FERMT1: variants seen among roughly 807,000 people sequenced by gnomAD.
FERMT1 encodes fermitin family homolog 1.
A neutral mutation model predicts 85.3 loss-of-function variants in FERMT1; 60 were observed. The observed-to-expected ratio is 0.70, with a 90% CI of 0.57 to 0.87. The LOEUF is 0.87. FERMT1 is among the 40% of genes least tolerant of loss of function. FERMT1 has a pLI of 0.00. For synonymous variants in FERMT1, 275 were observed against 301.1 expected (o/e 0.91, Z 0.90); for missense variants, 701 against 818.9 (o/e 0.86, Z 1.76).
chr20:6,087,980 C>T (rs746447910), intron 10 of FERMT1, 97 bp from the exon 11 acceptor site: 2 of 769,682 alleles, frequency 2.6e-6, no homozygotes, highest in East Asian at 2.5e-5. Context: ...ATACAAGCCC[C>T]TCAGATTTGC....
At chr20:6,084,268 C>A in intron 12 of FERMT1, 104 bp from the exon 13 acceptor site, 1 of 1,259,444 alleles carries the variant, frequency 7.9e-7, no homozygotes, top group Non-Finnish European at 1.1e-6. Flanking sequence ...CAAGGTCCGT[C>A]TGCAGCTCTA....
In FERMT1 at chr20:6,089,204, T is replaced by C. The variant is rs1419750142; in HGVS notation, c.1140-115A>G. On this transcript the variant is annotated intron_variant, in intron 9 of 14. Transcript: ENST00000217289. ...TGTCAAAGAAAACACACTTTGTTTT[T>C]TCAAAAATAATTTCAAATTGCTAAT... The C allele has an allele frequency of 4.7e-6, 5 of 1,066,798 alleles. No homozygotes were observed. The Admixed American group carries it at 9.8e-5, about 21-fold the overall frequency. 66.1% of individuals were successfully genotyped at this position (1,066,798 alleles called of 1,614,324 possible). A position where few individuals can be genotyped will look rare whatever the true frequency, so the allele number is the denominator to read the frequency against.
chr20:6,115,423 T>C (rs1419681730), intron 3 of FERMT1, among the ~76,000 whole-genome samples: 1 of 152,198 alleles, frequency 6.6e-6, no homozygotes, highest in Non-Finnish European at 1.5e-5. Flanking sequence ...GGAACACCAT[T>C]ATCTCAAAAA....
At chr20:6,083,481 T>C (rs922401409) in intron 13 of FERMT1, among the ~76,000 whole-genome samples, 3 of 151,906 alleles carry the variant, frequency 2.0e-5, no homozygotes, top group Non-Finnish European at 4.4e-5. Flanking sequence ...CTAACAATTC[T>C]GCAAAGCCAC....
chr20:6,081,670 G>A (rs556695725), intron 13 of FERMT1, among the ~76,000 whole-genome samples: 25 of 152,268 alleles, frequency 1.6e-4, no homozygotes, highest in African/African-American at 5.8e-4. Context: ...CATTCAAGAA[G>A]TTTTACTGCA....
Position 6,076,615 on chromosome 20 carries a change from T to G in FERMT1, c.*558A>C. On this transcript the variant is annotated 3_prime_UTR_variant, in exon 15 of 15. Coordinates refer to ENST00000217289, the MANE Select transcript of FERMT1 (RefSeq NM_017671.5). ...CCTTGGGTTGTCAACTGCTACCTGG[T>G]AGCCCCACCCCTCCCCTTTCTACCC... 1 of 390,586 alleles carries G rather than the reference T, an allele frequency of 2.6e-6. No individual in the cohort carries two copies. Among genetic ancestry groups the G allele is most frequent in the East Asian group, 7.5e-5 (1 of 13,330 alleles). 24.2% of individuals were successfully genotyped at this position (390,586 alleles called of 1,614,324 possible).
chr20:6,079,324 T>C (rs2123088757), intron 14 of FERMT1, 112 bp downstream of exon 14: 2 of 1,129,086 alleles, frequency 1.8e-6, no homozygotes, highest in Non-Finnish European at 2.7e-6. Flanking sequence ...CATATGCTTG[T>C]GGTTTCTTAG....
chr20:6,085,025 G>C (rs775139283), intron 12 of FERMT1, 41 bp downstream of exon 12: 1 of 1,541,738 alleles, frequency 6.5e-7, no homozygotes, highest in South Asian at 1.1e-5. Flanking sequence ...TTTGCATAAA[G>C]AATTTACTGC....
Position 6,119,471 on chromosome 20 carries a change from GTCTTTCTGCTGC to G in FERMT1, c.72_83del (p.Glu24_Lys27del). On this transcript the variant is annotated inframe_deletion, in exon 2 of 15. Coordinates refer to ENST00000217289, the MANE Select transcript of FERMT1 (RefSeq NM_017671.5). Reference sequence around the variant, plus strand: ...GGTCTCCAGATACTCTCAGTGTGACGTCTTTCTGCTGCTCTTCATTGGGATGGTCAACGCGGA... The same window carrying G: ...GGTCTCCAGATACTCTCAGTGTGACGTCTTCATTGGGATGGTCAACGCGGA... 3.1e-6 allele frequency: 5 copies of G among 1,614,082 alleles called. No individual in the cohort carries two copies. Among genetic ancestry groups the G allele is most frequent in the Non-Finnish European group, 4.2e-6 (5 of 1,179,940 alleles).
rs376128513 is a variant in FERMT1, at chr20:6,077,187, C to A, written c.2020G>T (p.Gly674Cys). The A allele has an allele frequency of 6.2e-7, 1 of 1,613,986 alleles. No homozygotes were observed. The highest frequency in any genetic ancestry group is 8.5e-7 in the Non-Finnish European group (1 of 1,180,036). The change falls in exon 15 of 15, where the codon GGC becomes TGC. Residue 674 changes from glycine to cysteine, a missense_variant. Physicochemically the swap from Gly to Cys is radical, Grantham distance 159. Transcript: ENST00000217289. ...GCGTGCTTGTTTCAATCCTGACCGCCGGTCAATTTGTGGAACAAGTCCTCA... is the reference window on the plus strand; with the variant it reads ...GCGTGCTTGTTTCAATCCTGACCGCAGGTCAATTTGTGGAACAAGTCCTCA... ...LDEDLFHKLT[G>C]GQD
intron 6 of FERMT1, among the ~76,000 whole-genome samples, chr20:6,101,228 G>A (rs543486669): frequency 1.2e-4 from 19 of 152,306 alleles, no homozygotes; most frequent in African/African-American, 4.1e-4. Flanking sequence ...TTTTAGTATC[G>A]TTTTGCCCTT....
chr20:6,093,749 G>A (rs1982427095), intron 9 of FERMT1, among the ~76,000 whole-genome samples: 2 of 152,218 alleles, frequency 1.3e-5, no homozygotes, highest in African/African-American at 4.8e-5. Flanking sequence ...CTGAGGTCAG[G>A]AGTTCAAAAC....
chr20:6,086,320 G>A (rs763084277), intron 11 of FERMT1, among the ~76,000 whole-genome samples: 9 of 152,132 alleles, frequency 5.9e-5, no homozygotes, highest in Non-Finnish European at 1.2e-4. Flanking sequence ...TTTGTATCCT[G>A]GTCTATCCTT....
intron 13 of FERMT1, among the ~76,000 whole-genome samples, chr20:6,081,887 C>A (rs2123093704): frequency 6.6e-6 from 1 of 152,214 alleles, no homozygotes; most frequent in East Asian, 1.9e-4. Context: ...CACATTATTC[C>A]TTCATTTCAC....
At chr20:6,080,979 G>A (rs1003016810) in intron 13 of FERMT1, among the ~76,000 whole-genome samples, 10 of 152,178 alleles carry the variant, frequency 6.6e-5, no homozygotes, top group African/African-American at 2.4e-4. Flanking sequence ...AGATTGAGAA[G>A]AGGAATGCTT....
intron 7 of FERMT1, 142 bp downstream of exon 7, chr20:6,097,382 A>G: frequency 1.4e-6 from 1 of 713,230 alleles, no homozygotes. Context: ...AGCAAAATAA[A>G]AAATACAGAA....
In FERMT1 at chr20:6,079,578, C is replaced by A; in HGVS notation, c.1719-1G>T. 1.2e-6 allele frequency: 2 copies of A among 1,613,190 alleles called. No homozygotes were observed. Among genetic ancestry groups the A allele is most frequent in the Non-Finnish European group, 1.7e-6 (2 of 1,179,222 alleles). ...GTCATCTTTTTTGCTTCCTTTAAAT[C>A]TGAAAAGAATCATAATATTAGTTAA... On this transcript the variant is annotated splice_acceptor_variant, in intron 13 of 14. Transcript: ENST00000217289. LOFTEE classifies it high-confidence loss of function.
chr20:6,086,720 T>G (rs930347699), intron 11 of FERMT1, among the ~76,000 whole-genome samples: 1 of 152,126 alleles, frequency 6.6e-6, no homozygotes, highest in Non-Finnish European at 1.5e-5. Flanking sequence ...TTTAAAAGTG[T>G]GTGGCACTTC....
At chr20:6,084,594 TAAC>T (rs1372462861) in intron 12 of FERMT1, among the ~76,000 whole-genome samples, 1 of 152,150 alleles carries the variant, frequency 6.6e-6, no homozygotes, top group African/African-American at 2.4e-5. Flanking sequence ...CTAACAAAAT[TAAC>T]AATAATTTCA....
Sources: gnomAD v4.1 joint callset for allele counts (sites outside exome capture counted in the v4.1 genomes callset) on GRCh38, gnomAD v4.1.1 for gene constraint, MANE v1.5 for transcripts, NCBI Gene and HGNC (gene_info 2026-07-23, HGNC 2026-07-21) for gene names.